Variants in CALN1 observed in about 807,000 individuals in gnomAD.
The protein encoded by CALN1 is calneuron 1, also known as calcium-binding protein 8.
CALN1 carries 17 observed loss-of-function variants against 30.6 expected under a neutral mutation model. The observed-to-expected ratio is 0.56, with a 90% CI of 0.38 to 0.83. The LOEUF is 0.83. Among genes scored for constraint, CALN1 ranks in the 40% least tolerant of loss-of-function variants. The pLI, the probability that CALN1 is intolerant of heterozygous loss-of-function variation, is 0.00. For synonymous variants in CALN1, 156 were observed against 131.4 expected (o/e 1.19, Z -1.28); for missense variants, 291 against 354.9 (o/e 0.82, Z 1.45).
chr7:72,361,399 A>G (rs1024960423), intron 2 of CALN1, among the ~76,000 whole-genome samples: 4 of 152,158 alleles, frequency 2.6e-5, no homozygotes, highest in Non-Finnish European at 5.9e-5. Flanking sequence ...CCAGCTACTC[A>G]GGAGGCTGAG....
chr7:71,941,784 A>G (rs1287404524), intron 5 of CALN1, among the ~76,000 whole-genome samples: 1 of 152,202 alleles, frequency 6.6e-6, no homozygotes. Context: ...TCCCATTCCA[A>G]ATGATATATT....
rs1000513942 is a variant in CALN1, at chr7:72,076,378, C to G, written c.388+29773G>C. Among the ~76,000 whole-genome samples, 62 of 151,576 alleles carry G rather than the reference C, an allele frequency of 4.1e-4. 2 individuals are homozygous for G. The highest frequency in any genetic ancestry group is 1.0e-4 in the Non-Finnish European group (7 of 67,878). On this transcript the variant is annotated intron_variant, in intron 4 of 6. Coordinates refer to ENST00000395275, the MANE Select transcript of CALN1 (RefSeq NM_031468.4). Reference sequence around the variant, plus strand: ...CTTTGGGAGGCCGAGGCGAGCAGATCACTTGAGGTCGGGAGTTCGAGACCA... The same window carrying G: ...CTTTGGGAGGCCGAGGCGAGCAGATGACTTGAGGTCGGGAGTTCGAGACCA...
rs150726212 is a variant in CALN1 at position 72,067,095 on chromosome 7, A to G, written c.388+39056T>C. On this transcript the variant is annotated intron_variant, in intron 4 of 6. Transcript: ENST00000395275. Reference sequence around the variant, plus strand: ...TGAGCCACCACGCCCAGCTGGAACTATAATTCTTAAGTACTTACTCCCCAA... The same window carrying G: ...TGAGCCACCACGCCCAGCTGGAACTGTAATTCTTAAGTACTTACTCCCCAA... Among the ~76,000 whole-genome samples the G allele has an allele frequency of 2.5e-3, 378 of 152,162 alleles. 1 individual carries two copies. Among genetic ancestry groups the G allele is most frequent in the African/African-American group, 8.5e-3 (353 of 41,536 alleles).
intron 5 of CALN1, among the ~76,000 whole-genome samples, chr7:71,931,278 T>G (rs1168469966): frequency 6.6e-6 from 1 of 152,066 alleles, no homozygotes; most frequent in Non-Finnish European, 1.5e-5. Context: ...TCTTTTTTTT[T>G]TGTTTGAGAT....
Position 72,206,691 on chromosome 7 carries a change from GA to G in CALN1, c.244+71994del, listed in dbSNP as rs554145187. Among the ~76,000 whole-genome samples, 598 of 151,258 alleles carry G rather than the reference GA, an allele frequency of 4.0e-3. 8 individuals are homozygous for G. Among genetic ancestry groups the G allele is most frequent in the African/African-American group, 0.014 (564 of 41,320 alleles). On this transcript the variant is annotated intron_variant, in intron 3 of 6. Coordinates refer to ENST00000395275, the MANE Select transcript of CALN1 (RefSeq NM_031468.4). ...GCTAAAATTTGTTTTTGTTTTCAAA[GA>G]AAAAAAAATCTGTTTTTAACTATGC...
In CALN1 at chr7:71,979,665, C is replaced by CG. The variant is rs151193610; in HGVS notation, c.501+43991dup. Among the ~76,000 whole-genome samples, 1,120 of 151,958 alleles carry CG rather than the reference C, an allele frequency of 7.4e-3. 12 individuals carry two copies. Among genetic ancestry groups the CG allele is most frequent in the African/African-American group, 0.026 (1,086 of 41,444 alleles). ...TCATGGACCATTACTGCTCCACGGCCGGGGGGTTGGGGACCCCTGCTCTAT... is the reference window on the plus strand; with the variant it reads ...TCATGGACCATTACTGCTCCACGGCCGGGGGGGTTGGGGACCCCTGCTCTAT... On this transcript the variant is annotated intron_variant, in intron 5 of 6. Transcript: ENST00000395275.
intron 5 of CALN1, among the ~76,000 whole-genome samples, chr7:71,884,276 C>G (rs1792764297): frequency 6.6e-6 from 1 of 152,052 alleles, no homozygotes; most frequent in Admixed American, 6.6e-5. Context: ...TTGCATAGAC[C>G]CGCCCACCTT....
intron 5 of CALN1, among the ~76,000 whole-genome samples, chr7:71,981,105 A>G (rs1798370488): frequency 6.6e-6 from 1 of 152,158 alleles, no homozygotes; most frequent in African/African-American, 2.4e-5. Context: ...CCGCAGTGCT[A>G]TGATATATAT....
chr7:71,909,833 C>A (rs1482419253), intron 5 of CALN1, among the ~76,000 whole-genome samples: 1 of 152,144 alleles, frequency 6.6e-6, no homozygotes. Context: ...GTGATGATAA[C>A]CCCTTAGAGA....
intron 2 of CALN1, among the ~76,000 whole-genome samples, chr7:72,370,749 T>C (rs2090464): frequency 0.015 from 2,289 of 152,132 alleles, 23 homozygotes; most frequent in African/African-American, 0.028. Flanking sequence ...AACAGTGTCT[T>C]TCAAAGAGAG....
At chr7:71,949,708 C>T (rs888489231) in intron 5 of CALN1, among the ~76,000 whole-genome samples, 1 of 151,948 alleles carries the variant, frequency 6.6e-6, no homozygotes, top group African/African-American at 2.4e-5. Context: ...CCAAAAAATT[C>T]TGTAACAGGG....
chr7:72,272,490 A>G (rs1797062189), intron 3 of CALN1, among the ~76,000 whole-genome samples: 1 of 152,126 alleles, frequency 6.6e-6, no homozygotes, highest in Non-Finnish European at 1.5e-5. Flanking sequence ...TGAACCCAGG[A>G]GGTGGAGGCT....
rs550402009 is a variant in CALN1 at position 72,377,652 on chromosome 7, G to A, written c.119+25599C>T. On this transcript the variant is annotated intron_variant, in intron 2 of 6. Transcript: ENST00000395275. ...TTTTGTAAAGTCTGTATTATTTGTCGTATGTGGGCATTGACAACTTTGTTC... is the reference window on the plus strand; with the variant it reads ...TTTTGTAAAGTCTGTATTATTTGTCATATGTGGGCATTGACAACTTTGTTC... 9.7e-4 allele frequency among the ~76,000 whole-genome samples: 148 copies of A among 152,142 alleles called. 1 individual carries two copies. The highest frequency in any genetic ancestry group is 3.4e-3 in the African/African-American group (141 of 41,478).
At chr7:72,390,249 TG>T (rs994081647) in intron 2 of CALN1, among the ~76,000 whole-genome samples, 4 of 151,870 alleles carry the variant, frequency 2.6e-5, no homozygotes, top group African/African-American at 9.7e-5. Context: ...GCCAACGTCG[TG>T]AAACACCACC....
intron 2 of CALN1, among the ~76,000 whole-genome samples, chr7:72,355,123 G>A (rs1261506364): frequency 6.6e-6 from 1 of 152,054 alleles, no homozygotes; most frequent in Non-Finnish European, 1.5e-5. Context: ...GCCCAGGCTG[G>A]TCTCAAACTC....
intron 2 of CALN1, among the ~76,000 whole-genome samples, chr7:72,364,010 C>G (rs773012199): frequency 2.0e-5 from 3 of 151,712 alleles, no homozygotes; most frequent in Non-Finnish European, 2.9e-5. Context: ...GTTGGGATTA[C>G]AGGCGTGAGC....
chr7:72,105,772 G>A (rs860011), intron 4 of CALN1, among the ~76,000 whole-genome samples: 63,341 of 122,672 alleles, frequency 0.52, 16,498 homozygotes, highest in East Asian at 0.69. Context: ...GAAGAAGAAG[G>A]AGGAGGAGGA....
intron 3 of CALN1, among the ~76,000 whole-genome samples, chr7:72,170,525 C>T (rs987624722): frequency 4.6e-5 from 7 of 152,132 alleles, no homozygotes; most frequent in African/African-American, 1.7e-4. Context: ...TGGTTAAAGT[C>T]GCAGGAATTT....
chr7:71,813,696 G>A lies in CALN1; in HGVS notation c.502-3204C>T, dbSNP rs532783968. 3.9e-5 allele frequency among the ~76,000 whole-genome samples: 6 copies of A among 152,258 alleles called. No individual in the cohort carries two copies. In the South Asian group the frequency reaches 1.2e-3, roughly 32 times the overall value. On this transcript the variant is annotated intron_variant, in intron 5 of 6. Transcript: ENST00000395275. ...TGTCATCCTAGCACTTTGGGAGGCC[G>A]AGGCTGGCGGATCACAAGGTCAGGA... is the stretch of plus-strand genomic sequence containing the variant.
Sources: allele counts gnomAD v4.1 joint callset (sites outside exome capture counted in the v4.1 genomes callset), GRCh38; gene constraint gnomAD v4.1.1; transcripts MANE v1.5; gene names NCBI Gene and HGNC (gene_info 2026-07-23, HGNC 2026-07-21).